The following DGKI variants were observed in gnomAD, a reference collection of about 807,000 sequenced individuals.
DGKI encodes diacylglycerol kinase iota.
A neutral mutation model predicts 147.5 loss-of-function variants in DGKI; 55 were observed. The observed-to-expected ratio is 0.37, with a 90% CI of 0.30 to 0.47. The LOEUF (loss-of-function observed/expected upper bound fraction) is 0.47. Ranked by LOEUF, DGKI falls within the 20% of genes least tolerant of loss-of-function variation. DGKI has a pLI of 1.00. For synonymous variants in DGKI, 469 were observed against 477.1 expected, an observed-to-expected ratio of 0.98 and a Z score of 0.22; for missense variants, 1,007 against 1,323.8, an observed-to-expected ratio of 0.76 and a Z score of 3.71.
chr7:137,552,592 G>A (rs1211064452), intron 19 of DGKI, 24 bp from the exon 20 acceptor site: 2 of 1,611,778 alleles, frequency 1.2e-6, no homozygotes, highest in Admixed American at 1.7e-5. Context: ...AGTCAAAGGG[G>A]AGCAAGGAGT....
intron 2 of DGKI, among the ~76,000 whole-genome samples, chr7:137,682,996 G>A (rs980543372): frequency 1.3e-5 from 2 of 152,070 alleles, no homozygotes; most frequent in Non-Finnish European, 2.9e-5. Flanking sequence ...TCTTTCATTT[G>A]CTGCAGAGCC....
chr7:137,446,743 A>G (rs1361185048), intron 27 of DGKI, among the ~76,000 whole-genome samples: 2 of 152,126 alleles, frequency 1.3e-5, no homozygotes, highest in African/African-American at 2.4e-5. Flanking sequence ...GAAAGAAAGA[A>G]AGAGAGAGAG....
At chr7:137,517,294 AG>A (rs1816793909) in intron 21 of DGKI, among the ~76,000 whole-genome samples, 1 of 132,164 alleles carries the variant, frequency 7.6e-6, no homozygotes, top group South Asian at 2.7e-4. Context: ...AAAGAAAGAA[AG>A]AAAGAAAGAA....
Position 137,400,619 on chromosome 7 carries a change from T to C in DGKI, c.2921-3206A>G, listed in dbSNP as rs139847468. 4.5e-3 allele frequency among the ~76,000 whole-genome samples: 689 copies of C among 152,280 alleles called. 2 individuals carry two copies. Among genetic ancestry groups the C allele is most frequent in the South Asian group, 0.012 (60 of 4,826 alleles). ...TTATTCCAGAGCTGATTATCCAGTC[T>C]GTGAGTCAGGCATGCCCGCGGCTAC... On this transcript the variant is annotated intron_variant, in intron 30 of 32. Coordinates refer to ENST00000614521, the MANE Select transcript of DGKI (RefSeq NM_001321708.2).
rs1363750470 is a variant in DGKI, at chr7:137,846,202, C to CAG, written c.401+258_401+259dup. ...ACACACACACACACACACACACACA[C>CAG]AGACAAAATTTCTGTTGCTCTGACC... On this transcript the variant is annotated intron_variant, in intron 1 of 32. Transcript: ENST00000614521. The surrounding 1 kb of genome is among the most constrained non-coding windows in gnomAD (Gnocchi z 4.0). Among the ~76,000 whole-genome samples the CAG allele has an allele frequency of 2.1e-5, 3 of 143,246 alleles. No homozygotes were observed. Among genetic ancestry groups the CAG allele is most frequent in the African/African-American group, 5.4e-5 (2 of 36,912 alleles). 94.0% of individuals were successfully genotyped at this position (143,246 alleles called of 152,430 possible).
At chr7:137,704,932 A>G (rs2116530612) in intron 1 of DGKI, among the ~76,000 whole-genome samples, 1 of 152,362 alleles carries the variant, frequency 6.6e-6, no homozygotes, top group African/African-American at 2.4e-5. Context: ...CAGCATGACT[A>G]TCAATCAAAA....
chr7:137,641,991 T>C (rs189601409), intron 6 of DGKI, among the ~76,000 whole-genome samples: 146 of 152,316 alleles, frequency 9.6e-4, no homozygotes, highest in African/African-American at 3.4e-3. Context: ...CAGTGTTTCA[T>C]AAATTTTGAC....
chr7:137,800,143 G>A (rs552048787), intron 1 of DGKI, among the ~76,000 whole-genome samples: 6 of 152,298 alleles, frequency 3.9e-5, no homozygotes, highest in Middle Eastern at 3.4e-3. Context: ...AATATGGCAA[G>A]GTTGGAGTTG....
chr7:137,562,329 A>C (rs1336819244), intron 19 of DGKI, among the ~76,000 whole-genome samples: 1 of 152,204 alleles, frequency 6.6e-6, no homozygotes, highest in Non-Finnish European at 1.5e-5. Flanking sequence ...AGAGGTCAGG[A>C]GTTCGAGACC....
intron 24 of DGKI, among the ~76,000 whole-genome samples, chr7:137,468,909 G>A (rs1026784265): frequency 6.6e-5 from 10 of 152,060 alleles, no homozygotes; most frequent in African/African-American, 1.2e-4. Flanking sequence ...AGATACATTC[G>A]GTAGTATGTA....
At chr7:137,732,117 C>T (rs1794902613) in intron 1 of DGKI, among the ~76,000 whole-genome samples, 1 of 152,056 alleles carries the variant, frequency 6.6e-6, no homozygotes, top group Non-Finnish European at 1.5e-5. Context: ...CTAATACCAT[C>T]TATATAAATA....
intron 3 of DGKI, among the ~76,000 whole-genome samples, chr7:137,666,599 C>T (rs1047650906): frequency 6.6e-6 from 1 of 152,102 alleles, no homozygotes; most frequent in African/African-American, 2.4e-5. Context: ...TGGCGAAGGG[C>T]CTGATAAGTT....
At chr7:137,713,973 C>G (rs7806810) in intron 1 of DGKI, among the ~76,000 whole-genome samples, 49,856 of 152,050 alleles carry the variant, frequency 0.33, 8,948 homozygotes, top group South Asian at 0.5. Flanking sequence ...TATTTTCTTA[C>G]CACCAATTTT....
At chr7:137,739,393 A>C (rs1239964302) in intron 1 of DGKI, among the ~76,000 whole-genome samples, 1 of 152,172 alleles carries the variant, frequency 6.6e-6, no homozygotes, top group East Asian at 1.9e-4. Flanking sequence ...AATAAATTCT[A>C]AACCTCCTTC....
chr7:137,663,045 G>A (rs937326842), intron 3 of DGKI, among the ~76,000 whole-genome samples: 4 of 152,188 alleles, frequency 2.6e-5, no homozygotes, highest in Admixed American at 2.0e-4. Flanking sequence ...GAATCATGAT[G>A]GTTTGAGTTA....
At chr7:137,800,832 T>TC (rs1797181831) in intron 1 of DGKI, among the ~76,000 whole-genome samples, 1 of 152,146 alleles carries the variant, frequency 6.6e-6, no homozygotes. Flanking sequence ...CACCCAATGC[T>TC]CCATCCAATG....
rs1818076993 is a variant in DGKI at position 137,552,419 on chromosome 7, G to C, written c.2097C>G (p.Ala699=). ...TCCTCTTGCTCTTCTGTACCATGTTGGCCTGATTCCTCAGGGAGATCCGAA... is the reference window on the plus strand; with the variant it reads ...TCCTCTTGCTCTTCTGTACCATGTTCGCCTGATTCCTCAGGGAGATCCGAA... ...AMIRISLRNQ[A]NMVQKSKRRT... is the part of the protein sequence containing the mutation. The change falls in exon 20 of 33, where the codon GCC becomes GCG. Residue 699 remains alanine (A), a synonymous_variant. Transcript: ENST00000614521. The C allele has an allele frequency of 6.2e-6, 10 of 1,613,944 alleles. No homozygotes were observed. The highest frequency in any genetic ancestry group is 8.5e-6 in the Non-Finnish European group (10 of 1,180,030).
intron 28 of DGKI, among the ~76,000 whole-genome samples, chr7:137,424,829 C>T (rs1192700371): frequency 6.6e-6 from 1 of 152,216 alleles, no homozygotes; most frequent in East Asian, 1.9e-4. Context: ...GGGAGCGAGA[C>T]TGGGGGAGGG....
chr7:137,694,250 GGGC>G (rs1563153970), intron 1 of DGKI, among the ~76,000 whole-genome samples: 2 of 151,842 alleles, frequency 1.3e-5, no homozygotes, highest in Non-Finnish European at 2.9e-5. Context: ...GAACCCCAGG[GGGC>G]GGAGCCTGCA....
Sources: gnomAD v4.1 joint callset for allele counts (sites outside exome capture counted in the v4.1 genomes callset) on GRCh38, gnomAD v4.1.1 for gene constraint, Gnocchi (gnomAD v3.1) non-coding constraint, MANE v1.5 for transcripts, NCBI Gene and HGNC (gene_info 2026-07-23, HGNC 2026-07-21) for gene names.